Variants in ABLIM1 observed in about 807,000 individuals in gnomAD.
The protein encoded by ABLIM1 is actin-binding LIM protein 1.
ABLIM1 carries 40 observed loss-of-function variants against 107.0 expected under a neutral mutation model. The observed-to-expected ratio is 0.37, with a 90% CI of 0.29 to 0.49. The LOEUF (loss-of-function observed/expected upper bound fraction) is 0.49, where lower values mean the gene tolerates loss of function less well. ABLIM1 is among the 20% of genes least tolerant of loss of function. ABLIM1 has a pLI of 0.97. For missense variants in ABLIM1, 857 were observed against 1,008.5 expected (o/e 0.85, Z 2.04); for synonymous variants, 357 against 357.3 (o/e 1.00, Z 0.01).
upstream of ABLIM1, among the ~76,000 whole-genome samples, chr10:114,770,007 A>G (rs929942914): frequency 3.9e-5 from 6 of 152,148 alleles, no homozygotes; most frequent in Admixed American, 3.3e-4. Flanking sequence ...AAGCATGATC[A>G]CAGGAATAGC....
At chr10:114,551,366 A>G (rs1447514778) in intron 4 of ABLIM1, among the ~76,000 whole-genome samples, 3 of 152,252 alleles carry the variant, frequency 2.0e-5, no homozygotes, top group Non-Finnish European at 4.4e-5. Flanking sequence ...GGGGATAGAA[A>G]GTCTTGAGGG....
chr10:114,797,782 A>C, the ABLIM1 span, among the ~76,000 whole-genome samples: 1 of 152,226 alleles, frequency 6.6e-6, no homozygotes, highest in African/African-American at 2.4e-5. Context: ...AGCTCATTAC[A>C]TGTTGATTTA....
intron 1 of ABLIM1, among the ~76,000 whole-genome samples, chr10:114,749,450 CCACA>C (rs151201319): frequency 0.035 from 4,890 of 141,566 alleles, 102 homozygotes; most frequent in Middle Eastern, 0.056. Context: ...AACACACACA[CCACA>C]CACACACACA....
intron 10 of ABLIM1, among the ~76,000 whole-genome samples, chr10:114,470,827 T>TCAG (rs1055860792): frequency 6.6e-6 from 1 of 152,186 alleles, no homozygotes; most frequent in African/African-American, 2.4e-5. Context: ...ATGTGGTTAG[T>TCAG]CAGCATCGGT....
chr10:114,564,885 T>G (rs1449504241), intron 4 of ABLIM1, among the ~76,000 whole-genome samples: 1 of 152,198 alleles, frequency 6.6e-6, no homozygotes, highest in African/African-American at 2.4e-5. Flanking sequence ...ATTTCACAAC[T>G]TCCTTAAAGA....
At chr10:114,654,934 C>T (rs894203640) in intron 1 of ABLIM1, among the ~76,000 whole-genome samples, 1 of 152,180 alleles carries the variant, frequency 6.6e-6, no homozygotes, top group African/African-American at 2.4e-5. Context: ...CTTCCTCAGG[C>T]TGGTGTGGCA....
chr10:114,652,036 TA>T (rs1294418697), intron 1 of ABLIM1, among the ~76,000 whole-genome samples: 1 of 152,190 alleles, frequency 6.6e-6, no homozygotes, highest in Non-Finnish European at 1.5e-5. Flanking sequence ...TGGTCCTTCT[TA>T]CCAACTTTCC....
chr10:114,532,703 T>C (rs2065583503), intron 6 of ABLIM1, among the ~76,000 whole-genome samples: 1 of 152,184 alleles, frequency 6.6e-6, no homozygotes, highest in South Asian at 2.1e-4. Context: ...AGTTAAACAT[T>C]CATGGAGAGG....
At chr10:114,692,080 G>A (rs2081091322) in intron 1 of ABLIM1, among the ~76,000 whole-genome samples, 2 of 152,146 alleles carry the variant, frequency 1.3e-5, no homozygotes, top group African/African-American at 4.8e-5. Context: ...GAGAAAATAT[G>A]CCATATTCTA....
chr10:114,584,889 TTGAC>T (rs1001241319), intron 2 of ABLIM1, among the ~76,000 whole-genome samples: 2 of 152,182 alleles, frequency 1.3e-5, no homozygotes, highest in Non-Finnish European at 2.9e-5. Context: ...AATAAAATCT[TTGAC>T]TGCACAGTAA....
intron 1 of ABLIM1, chr10:114,632,616 A>T (rs1263637348): frequency 1.0e-6 from 1 of 985,296 alleles, no homozygotes; most frequent in East Asian, 1.1e-4. Flanking sequence ...GGCTGGGGGA[A>T]GGTAGAGACT....
the ABLIM1 span, among the ~76,000 whole-genome samples, chr10:114,788,345 A>AAAAT: frequency 7.2e-5 from 8 of 111,018 alleles, no homozygotes; most frequent in East Asian, 3.8e-4. Flanking sequence ...AAAAAAAAAA[A>AAAAT]AAATAAATAA....
chr10:114,541,601 T>C (rs1366752999), intron 6 of ABLIM1, among the ~76,000 whole-genome samples: 2 of 152,156 alleles, frequency 1.3e-5, no homozygotes, highest in Non-Finnish European at 2.9e-5. Context: ...CACACGCCCA[T>C]CTAAGGACTA....
chr10:114,591,659 A>G (rs1311598971), intron 2 of ABLIM1, among the ~76,000 whole-genome samples: 1 of 152,198 alleles, frequency 6.6e-6, no homozygotes, highest in Non-Finnish European at 1.5e-5. Flanking sequence ...TAACAAAAAT[A>G]TCAACTGAAA....
chr10:114,633,667 G>C (rs576295292), intron 1 of ABLIM1, among the ~76,000 whole-genome samples: 26 of 152,266 alleles, frequency 1.7e-4, no homozygotes, highest in African/African-American at 6.0e-4. Flanking sequence ...CCAAGCACGA[G>C]AGCAGCTCGA....
intron 6 of ABLIM1, among the ~76,000 whole-genome samples, chr10:114,519,800 G>C (rs1035875924): frequency 1.3e-5 from 2 of 152,156 alleles, no homozygotes; most frequent in Admixed American, 6.5e-5. Flanking sequence ...AGTGCTGAGG[G>C]CCTTTTGAGT....
At chr10:114,465,262 C>T (rs908094145) in intron 12 of ABLIM1, among the ~76,000 whole-genome samples, 1 of 152,034 alleles carries the variant, frequency 6.6e-6, no homozygotes, top group Non-Finnish European at 1.5e-5. Context: ...AGTGCTTAAC[C>T]AAGCATGCTT....
At chr10:114,465,662 G>A in intron 12 of ABLIM1, 36 bp downstream of exon 12, 1 of 1,610,420 alleles carries the variant, frequency 6.2e-7, no homozygotes, top group Non-Finnish European at 8.5e-7. Flanking sequence ...AACATAGTTT[G>A]TTATATAGAG....
chr10:114,697,072 C>T (rs2081210012), intron 1 of ABLIM1, among the ~76,000 whole-genome samples: 2 of 152,162 alleles, frequency 1.3e-5, no homozygotes, highest in South Asian at 4.1e-4. Flanking sequence ...CCTCATGACT[C>T]AGGGCACTCT....
Sources: allele counts gnomAD v4.1 joint callset (sites outside exome capture counted in the v4.1 genomes callset), GRCh38; gene constraint gnomAD v4.1.1; transcripts MANE v1.5; gene names NCBI Gene and HGNC (gene_info 2026-07-23, HGNC 2026-07-21).